The following PTPRS variants were observed in gnomAD, a reference collection of about 807,000 sequenced individuals.
The protein encoded by PTPRS is protein tyrosine phosphatase receptor type S.
PTPRS carries 63 observed loss-of-function variants against 215.3 expected under a neutral mutation model. That is an observed-to-expected ratio of 0.29 (90% CI 0.24 to 0.36). PTPRS has a LOEUF of 0.36. Among genes scored for constraint, PTPRS ranks in the 10% least tolerant of loss-of-function variants. PTPRS has a pLI of 1.00. For missense variants in PTPRS, 2,258 were observed against 2,825.8 expected (o/e 0.80, Z 4.56); for synonymous variants, 1,404 against 1,191.4 (o/e 1.18, Z -3.68).
At chr19:5,214,801 C>A in intron 28 of PTPRS, 65 bp from the exon 29 acceptor site, 1 of 1,490,554 alleles carries the variant, frequency 6.7e-7, no homozygotes, top group Non-Finnish European at 9.1e-7. Flanking sequence ...TCTGTGTGGC[C>A]AACCACTTCC....
At position 5,272,595 on chromosome 19, in the gene PTPRS, CAAAAAAAAAAAAAAAAAAAAAA is replaced by C. The variant is rs10527451; in HGVS notation, c.379+825_379+846del. 6.4e-4 allele frequency among the ~76,000 whole-genome samples: 47 copies of C among 73,444 alleles called. No homozygotes were observed. The South Asian group carries it at 7.6e-3, about 12-fold the overall frequency. The allele number at this position is 73,444 out of a possible 152,430, so 48.2% of individuals were successfully genotyped here. A position where few individuals can be genotyped will look rare whatever the true frequency, so the allele number is the denominator to read the frequency against. ...CCAGCGCAACAAAGCAAGACTGTCT[CAAAAAAAAAAAAAAAAAAAAAA>C]AAAAAAAAAAAAAAAAAAAAGAATT... is the stretch of plus-strand genomic sequence containing the variant. On this transcript the variant is annotated intron_variant, in intron 4 of 37. Transcript: ENST00000262963.
intron 2 of PTPRS, among the ~76,000 whole-genome samples, chr19:5,278,985 A>T (rs1355377092): frequency 6.6e-6 from 1 of 151,650 alleles, no homozygotes; most frequent in East Asian, 2.0e-4. Flanking sequence ...CAGGAGTTTG[A>T]GGCCCGCCTG....
intron 4 of PTPRS, among the ~76,000 whole-genome samples, chr19:5,270,346 A>G (rs2046804897): frequency 8.3e-6 from 1 of 120,168 alleles, no homozygotes; most frequent in African/African-American, 3.2e-5. Flanking sequence ...ACTGGGGTGC[A>G]GTAGCATGAT....
rs532067236 is a variant in PTPRS at position 5,212,859 on chromosome 19, A to C, written c.4615-368T>G. Among the ~76,000 whole-genome samples, 13 of 147,898 alleles carry C rather than the reference A, an allele frequency of 8.8e-5. No individual in the cohort carries two copies. The East Asian group carries it at 2.6e-3, about 29-fold the overall frequency. ...CTCCATCTCAAAAAAAAAAACACCC[A>C]TGTCTGCGCCTCCCAGTCACCATGT... On this transcript the variant is annotated intron_variant, in intron 30 of 37. Coordinates refer to ENST00000262963, the MANE Select transcript of PTPRS (RefSeq NM_002850.4).
chr19:5,213,036 C>T (rs2041069812), intron 30 of PTPRS, among the ~76,000 whole-genome samples: 1 of 152,122 alleles, frequency 6.6e-6, no homozygotes, highest in Non-Finnish European at 1.5e-5. Flanking sequence ...ACCTTCTGGG[C>T]ACTCTGGCCA....
At chr19:5,220,947 T>C (rs1181168997) in intron 20 of PTPRS, 53 bp downstream of exon 20, 8 of 1,554,228 alleles carry the variant, frequency 5.1e-6, no homozygotes, top group Middle Eastern at 1.7e-4. Context: ...GCCCCAGCCA[T>C]ATAGTAGGCT....
chr19:5,229,197 G>C (rs2042784407), intron 16 of PTPRS, 119 bp downstream of exon 16: 2 of 1,131,204 alleles, frequency 1.8e-6, no homozygotes, highest in Non-Finnish European at 2.3e-6. Context: ...GGGCGCATGG[G>C]AGGGCCCAGA....
chr19:5,309,316 G>A (rs946457114), intron 1 of PTPRS, among the ~76,000 whole-genome samples: 1 of 152,148 alleles, frequency 6.6e-6, no homozygotes, highest in African/African-American at 2.4e-5. Context: ...CTAACCTCTA[G>A]CCCCATCCAG....
At chr19:5,301,970 G>T (rs4807717) in intron 1 of PTPRS, among the ~76,000 whole-genome samples, 4 of 151,460 alleles carry the variant, frequency 2.6e-5, no homozygotes, top group African/African-American at 4.9e-5. Flanking sequence ...TAGTAGAGAC[G>T]GGGTTTCACC....
intron 3 of PTPRS, among the ~76,000 whole-genome samples, chr19:5,273,832 T>C (rs1259065020): frequency 1.3e-5 from 2 of 152,144 alleles, no homozygotes; most frequent in African/African-American, 4.8e-5. Context: ...GTGACAAATG[T>C]CTGCAAGCCC....
At chr19:5,321,419 G>A (rs1197446451) in intron 1 of PTPRS, among the ~76,000 whole-genome samples, 1 of 152,226 alleles carries the variant, frequency 6.6e-6, no homozygotes, top group African/African-American at 2.4e-5. Context: ...TTAGGGATGA[G>A]GAAAACTGAG....
intron 1 of PTPRS, among the ~76,000 whole-genome samples, chr19:5,315,264 T>C (rs968793726): frequency 1.3e-5 from 2 of 151,328 alleles, no homozygotes; most frequent in East Asian, 3.9e-4. Context: ...GCAATTTCCA[T>C]ATTTTATTGC....
chr19:5,208,127 T>G (rs1169607971), intron 36 of PTPRS, 70 bp from the exon 37 acceptor site: 2 of 1,580,344 alleles, frequency 1.3e-6, no homozygotes, highest in East Asian at 4.5e-5. Context: ...ACCACCCGAT[T>G]CCCCGAGGAC....
chr19:5,235,803 C>T (rs2043394322), intron 13 of PTPRS, among the ~76,000 whole-genome samples: 1 of 152,208 alleles, frequency 6.6e-6, no homozygotes, highest in African/African-American at 2.4e-5. Context: ...AAGGTCTTTG[C>T]TGAATAACAC....
chr19:5,307,683 CGGAATAAAAT>C (rs1293793958), intron 1 of PTPRS, among the ~76,000 whole-genome samples: 5 of 152,126 alleles, frequency 3.3e-5, no homozygotes, highest in Admixed American at 6.6e-5. Context: ...TAAATTTAAA[CGGAATAAAAT>C]GGAATAAAAT....
At chr19:5,211,233 TG>T (rs1297319542) in intron 33 of PTPRS, among the ~76,000 whole-genome samples, 6 of 152,190 alleles carry the variant, frequency 3.9e-5, no homozygotes, top group Non-Finnish European at 8.8e-5. Context: ...GATTGTTCTC[TG>T]AGACAAGCTG....
intron 1 of PTPRS, among the ~76,000 whole-genome samples, chr19:5,325,849 C>T (rs1208946919): frequency 1.3e-5 from 2 of 152,234 alleles, no homozygotes; most frequent in Non-Finnish European, 1.5e-5. Context: ...GGGGAAGCAA[C>T]GCTCAGTTCA....
intron 9 of PTPRS, among the ~76,000 whole-genome samples, chr19:5,254,901 T>G (rs776991631): frequency 3.3e-5 from 5 of 152,198 alleles, no homozygotes; most frequent in Non-Finnish European, 4.4e-5. Context: ...CAGCTGCCAT[T>G]TTGAGTGCCA....
At chr19:5,259,903 A>G (rs1367778880) in intron 7 of PTPRS, among the ~76,000 whole-genome samples, 1 of 152,156 alleles carries the variant, frequency 6.6e-6, no homozygotes, top group Non-Finnish European at 1.5e-5. Flanking sequence ...TCTGGGAAGC[A>G]GGCAGTATCT....
Sources: gnomAD v4.1 joint callset for allele counts (sites outside exome capture counted in the v4.1 genomes callset) on GRCh38, gnomAD v4.1.1 for gene constraint, MANE v1.5 for transcripts, NCBI Gene and HGNC (gene_info 2026-07-23, HGNC 2026-07-21) for gene names.